IQCK: variants seen among roughly 807,000 people sequenced by gnomAD.
The protein encoded by IQCK is IQ domain-containing protein K.
IQCK carries 29 observed loss-of-function variants against 28.1 expected under a neutral mutation model. The observed-to-expected ratio is 1.03, with a 90% confidence interval of 0.77 to 1.41. The LOEUF (loss-of-function observed/expected upper bound fraction) is 1.41. Ranked by LOEUF, IQCK falls within the 40% of genes most tolerant of loss-of-function variation. The pLI is 0.00. For synonymous variants in IQCK, 113 were observed against 115.1 expected, an observed-to-expected ratio of 0.98 and a Z score of 0.12; for missense variants, 359 against 314.7, an observed-to-expected ratio of 1.14 and a Z score of -1.07.
intron 1 of IQCK, among the ~76,000 whole-genome samples, chr16:19,723,975 A>C (rs1977575951): frequency 1.3e-5 from 2 of 151,680 alleles, no homozygotes; most frequent in Admixed American, 1.3e-4. Flanking sequence ...AAAAAAAAAA[A>C]AGCAGCTTCC....
chr16:19,745,264 C>CCATT (rs2054894815), intron 4 of IQCK, among the ~76,000 whole-genome samples: 1 of 152,108 alleles, frequency 6.6e-6, no homozygotes, highest in Non-Finnish European at 1.5e-5. Flanking sequence ...CATCTTTTTA[C>CCATT]CATTCATTCT....
chr16:19,756,880 G>C (rs970587011), intron 4 of IQCK, among the ~76,000 whole-genome samples: 2 of 141,842 alleles, frequency 1.4e-5, no homozygotes, highest in East Asian at 2.1e-4. Context: ...CTGGACAACA[G>C]AGCAAGGCTC....
At chr16:19,851,847 C>T (rs1431536468) in intron 9 of IQCK, among the ~76,000 whole-genome samples, 1 of 152,278 alleles carries the variant, frequency 6.6e-6, no homozygotes, top group African/African-American at 2.4e-5. Flanking sequence ...TTCTCTCCTG[C>T]CTCTCACCCC....
chr16:19,764,332 A>C (rs1027013778), intron 6 of IQCK: 13 of 417,054 alleles, frequency 3.1e-5, no homozygotes, highest in African/African-American at 2.2e-4. Context: ...AAAATAGAAA[A>C]CTTAAAAAAA....
intron 6 of IQCK, among the ~76,000 whole-genome samples, chr16:19,781,332 A>G (rs922097306): frequency 1.3e-5 from 2 of 152,168 alleles, no homozygotes; most frequent in African/African-American, 4.8e-5. Flanking sequence ...GAGTTCTGCT[A>G]TCTGGACACG....
At chr16:19,725,209 A>T (rs1977617902) in intron 1 of IQCK, among the ~76,000 whole-genome samples, 1 of 152,078 alleles carries the variant, frequency 6.6e-6, no homozygotes, top group African/African-American at 2.4e-5. Context: ...ATTTTTTTTT[A>T]ATTTTTATTT....
At chr16:19,805,832 C>T (rs764593704) in intron 7 of IQCK, among the ~76,000 whole-genome samples, 4 of 147,424 alleles carry the variant, frequency 2.7e-5, no homozygotes, top group African/African-American at 9.9e-5. Flanking sequence ...CCCAAAGGCT[C>T]GGAGGCTAGA....
At chr16:19,786,087 A>G (rs1437314940) in intron 6 of IQCK, among the ~76,000 whole-genome samples, 2 of 152,176 alleles carry the variant, frequency 1.3e-5, no homozygotes, top group Non-Finnish European at 2.9e-5. Flanking sequence ...CATCATTCCC[A>G]TGAATTCACT....
At chr16:19,790,647 A>C (rs973316575) in intron 7 of IQCK, among the ~76,000 whole-genome samples, 1 of 114,228 alleles carries the variant, frequency 8.8e-6, no homozygotes, top group South Asian at 2.5e-4. Context: ...CTACATGCCC[A>C]TTAGTGGAAC....
At chr16:19,739,157 G>C (rs2054798682) in intron 4 of IQCK, among the ~76,000 whole-genome samples, 1 of 152,186 alleles carries the variant, frequency 6.6e-6, no homozygotes, top group African/African-American at 2.4e-5. Context: ...GGAACTGGGG[G>C]TGGGGGCTTC....
downstream of IQCK, among the ~76,000 whole-genome samples, chr16:19,827,913 T>C (rs1030288990): frequency 4.6e-5 from 7 of 151,998 alleles, no homozygotes; most frequent in Non-Finnish European, 8.8e-5. Context: ...TGAGCCGATA[T>C]CTTCTTTTTT....
chr16:19,836,327 C>T (rs918596842), intron 9 of IQCK, among the ~76,000 whole-genome samples: 1 of 152,316 alleles, frequency 6.6e-6, no homozygotes, highest in Non-Finnish European at 1.5e-5. Flanking sequence ...TTTTAGGACT[C>T]ACCAGTGTCT....
chr16:19,724,594 T>C (rs1289313686), intron 1 of IQCK, among the ~76,000 whole-genome samples: 1 of 152,148 alleles, frequency 6.6e-6, no homozygotes, highest in Admixed American at 6.5e-5. Flanking sequence ...AGTGGTGCGA[T>C]CTCGGCTCAC....
intron 6 of IQCK, among the ~76,000 whole-genome samples, chr16:19,769,736 T>A (rs561306485): frequency 1.3e-5 from 2 of 152,222 alleles, no homozygotes; most frequent in South Asian, 4.1e-4. Context: ...TAGGCTGTTT[T>A]GGAAAGATAA....
chr16:19,747,563 A>C (rs4782277), intron 4 of IQCK, among the ~76,000 whole-genome samples: 51,801 of 151,614 alleles, frequency 0.34, 13,862 homozygotes, highest in African/African-American at 0.75. Flanking sequence ...GCACAGTGGC[A>C]AAGTCAGAGC....
intron 7 of IQCK, among the ~76,000 whole-genome samples, chr16:19,810,630 T>C (rs1422321795): frequency 1.3e-5 from 2 of 151,842 alleles, no homozygotes; most frequent in Non-Finnish European, 2.9e-5. Flanking sequence ...CTGGCCAACA[T>C]GGCGAAACCC....
chr16:19,840,976 C>T (rs748621561), intron 9 of IQCK, among the ~76,000 whole-genome samples: 6 of 152,226 alleles, frequency 3.9e-5, no homozygotes, highest in Non-Finnish European at 7.3e-5. Flanking sequence ...GTCCCTGCTT[C>T]TCTCTGTGAG....
At chr16:19,810,918 T>C (rs1262995265) in intron 7 of IQCK, among the ~76,000 whole-genome samples, 7 of 152,242 alleles carry the variant, frequency 4.6e-5, no homozygotes, top group African/African-American at 1.7e-4. Flanking sequence ...GGCACTATTA[T>C]GTAATGAAAG....
At chr16:19,756,324 C>A (rs1169341597) in intron 4 of IQCK, among the ~76,000 whole-genome samples, 1 of 151,988 alleles carries the variant, frequency 6.6e-6, no homozygotes, top group Admixed American at 6.5e-5. Flanking sequence ...TTGAAATGTT[C>A]ATGTAACATG....
Sources: gnomAD v4.1 joint callset for allele counts (sites outside exome capture counted in the v4.1 genomes callset) on GRCh38, gnomAD v4.1.1 for gene constraint, MANE v1.5 for transcripts, NCBI Gene and HGNC (gene_info 2026-07-23, HGNC 2026-07-21) for gene names.